ABHD2: variants seen among roughly 807,000 people sequenced by gnomAD.
The protein encoded by ABHD2 is monoacylglycerol lipase ABHD2.
ABHD2 carries 20 observed loss-of-function variants against 48.1 expected under a neutral mutation model. The ratio of observed to expected loss-of-function variants is 0.42; its 90% CI spans 0.29 to 0.60. The LOEUF (loss-of-function observed/expected upper bound fraction) is 0.60. Ranked by LOEUF, ABHD2 falls within the 20% of genes least tolerant of loss-of-function variation. ABHD2 has a pLI of 0.24. For missense variants in ABHD2, 405 were observed against 550.9 expected, an observed-to-expected ratio of 0.74 and a Z score of 2.65; for synonymous variants, 209 against 214.2, an observed-to-expected ratio of 0.98 and a Z score of 0.21.
Position 89,106,249 on chromosome 15 carries a change from G to C in ABHD2, c.-106-7476G>C, listed in dbSNP as rs2049783507. 6.6e-6 allele frequency: 1 copy of C among 152,560 alleles called. No individual in the cohort carries two copies. The highest frequency in any genetic ancestry group is 2.4e-5 in the African/African-American group (1 of 41,470). 9.5% of individuals were successfully genotyped at this position (152,560 alleles called of 1,614,324 possible). On this transcript the variant is annotated intron_variant, in intron 1 of 10. Transcript: ENST00000352732. The surrounding 1 kb of genome is among the most constrained non-coding windows in gnomAD (Gnocchi z 4.2). ...GGAGGCAGAGGTTGCAGTGACCTGA[G>C]ATTGTGCCATTGCACTGCAGCTTGG...
chr15:89,096,306 G>C (rs1289400776), intron 1 of ABHD2, among the ~76,000 whole-genome samples: 4 of 152,220 alleles, frequency 2.6e-5, no homozygotes, highest in Non-Finnish European at 4.4e-5. Context: ...CTCTGTAATC[G>C]TAAAAGTGCC....
rs1433665512 is a variant in ABHD2, at chr15:89,174,011, C to T, written c.539-1801C>T. Among the ~76,000 whole-genome samples, 1 of 152,116 alleles carries T rather than the reference C, an allele frequency of 6.6e-6. No individual in the cohort carries two copies. Among genetic ancestry groups the T allele is most frequent in the African/African-American group, 2.4e-5 (1 of 41,402 alleles). ...TAGTCAAAAGTATAGGGGATACTGT[C>T]TGGGAAGAGGCATGAGGAGGCCTCC... On this transcript the variant is annotated intron_variant, in intron 5 of 10. Transcript: ENST00000352732. The surrounding 1 kb of genome is among the most constrained non-coding windows in gnomAD (Gnocchi z 4.1).
intron 3 of ABHD2, among the ~76,000 whole-genome samples, chr15:89,124,711 T>A (rs951455394): frequency 6.6e-6 from 1 of 152,036 alleles, no homozygotes; most frequent in Admixed American, 6.6e-5. Context: ...GCCAGCACTT[T>A]GGGAGGCTGA....
the ABHD2 span, among the ~76,000 whole-genome samples, chr15:89,067,690 C>T: frequency 4.7e-4 from 72 of 152,188 alleles, no homozygotes; most frequent in South Asian, 1.0e-3. Flanking sequence ...CAGCTTTTCT[C>T]GAACACCCCA....
chr15:89,056,908 C>CGT, the ABHD2 span, among the ~76,000 whole-genome samples: 188 of 87,444 alleles, frequency 2.1e-3, 3 homozygotes, highest in Middle Eastern at 7.7e-3. Flanking sequence ...TAAGTGATAC[C>CGT]TTTTTTTTTT....
At chr15:89,093,103 C>T (rs769236510) in intron 1 of ABHD2, among the ~76,000 whole-genome samples, 5 of 151,572 alleles carry the variant, frequency 3.3e-5, no homozygotes, top group Non-Finnish European at 7.4e-5. Context: ...GAAAGTTTGC[C>T]GTTTGCTCTC....
chr15:89,071,823 A>G, the ABHD2 span, among the ~76,000 whole-genome samples: 2 of 152,186 alleles, frequency 1.3e-5, no homozygotes, highest in East Asian at 1.9e-4. Context: ...GGGTCCCTCA[A>G]TACTGGACGA....
At chr15:89,043,253 G>C in the ABHD2 span, among the ~76,000 whole-genome samples, 1 of 152,244 alleles carries the variant, frequency 6.6e-6, no homozygotes, top group Non-Finnish European at 1.5e-5. Flanking sequence ...GGGCAAGTTT[G>C]CTTTCAGCAG....
chr15:89,135,143 C>CTTTTTTTTT (rs3049683), intron 3 of ABHD2, among the ~76,000 whole-genome samples: 1 of 112,178 alleles, frequency 8.9e-6, no homozygotes, highest in African/African-American at 3.2e-5. Context: ...ACAACTTTTT[C>CTTTTTTTTT]TTTTTTTTTT....
chr15:89,152,737 T>G (rs1274634093), intron 4 of ABHD2, among the ~76,000 whole-genome samples: 1 of 152,182 alleles, frequency 6.6e-6, no homozygotes, highest in Non-Finnish European at 1.5e-5. Context: ...CTAGGACACC[T>G]ATTTCTGAGA....
At chr15:89,145,283 AC>A (rs1163538135) in intron 3 of ABHD2, among the ~76,000 whole-genome samples, 3 of 152,134 alleles carry the variant, frequency 2.0e-5, no homozygotes, top group African/African-American at 7.2e-5. Flanking sequence ...AAACAAAAAA[AC>A]ACTTCAGCCC....
Position 89,195,361 on chromosome 15 carries a change from C to G in ABHD2, c.1216C>G (p.Gln406Glu), listed in dbSNP as rs974627541. Residue 406 changes from glutamine to glutamate, a missense_variant, in exon 11 of 11, where the codon CAA becomes GAA. Gln to Glu is a conservative substitution (Grantham distance 29). Transcript: ENST00000352732. The surrounding 1 kb of genome is among the most constrained non-coding windows in gnomAD (Gnocchi z 5.1). Reference protein sequence around the residue: ...LVVEYANAICQWERNKLQCSD... With the variant: ...LVVEYANAICEWERNKLQCSD... ...GGTGGAGTACGCCAACGCCATTTGC[C>G]AATGGGAGCGTAACAAGTTGCAGTG... 6.2e-7 allele frequency: 1 copy of G among 1,614,074 alleles called. No individual in the cohort carries two copies. The highest frequency in any genetic ancestry group is 1.3e-5 in the African/African-American group (1 of 74,936).
At chr15:89,129,167 A>T (rs1179415936) in intron 3 of ABHD2, among the ~76,000 whole-genome samples, 1 of 152,028 alleles carries the variant, frequency 6.6e-6, no homozygotes, top group Non-Finnish European at 1.5e-5. Context: ...TCAAGACCAG[A>T]TGTGTAGATT....
intron 3 of ABHD2, among the ~76,000 whole-genome samples, chr15:89,141,232 T>G (rs1205738052): frequency 6.6e-6 from 1 of 151,884 alleles, no homozygotes; most frequent in African/African-American, 2.4e-5. Context: ...TCCTCCCACT[T>G]GGCCTCCCAA....
At chr15:89,060,887 G>A in the ABHD2 span, among the ~76,000 whole-genome samples, 1 of 151,948 alleles carries the variant, frequency 6.6e-6, no homozygotes, top group Non-Finnish European at 1.5e-5. Context: ...TGGATCGAGA[G>A]TATTTTATAC....
chr15:89,180,698 G>A (rs2051095766), intron 6 of ABHD2, among the ~76,000 whole-genome samples: 1 of 152,162 alleles, frequency 6.6e-6, no homozygotes, highest in Non-Finnish European at 1.5e-5. Context: ...CCTGTCTTGG[G>A]CTTGGCCAGC....
chr15:89,106,653 T>A lies in ABHD2; in HGVS notation c.-106-7072T>A, dbSNP rs2049791121. ...CTGCAGAATGGTTTTTTTCCCCCTA[T>A]GATGGCTCTGACTAATTTAGTTAAA... is the stretch of plus-strand genomic sequence containing the variant. On this transcript the variant is annotated intron_variant, in intron 1 of 10. Transcript: ENST00000352732. This position sits in a 1 kb window ranked among gnomAD's most constrained non-coding sequence, Gnocchi z 4.2. Among the ~76,000 whole-genome samples the A allele has an allele frequency of 6.6e-6, 1 of 152,152 alleles. No individual in the cohort carries two copies. Among genetic ancestry groups the A allele is most frequent in the African/African-American group, 2.4e-5 (1 of 41,434 alleles).
chr15:89,133,267 T>TA (rs34195386), intron 3 of ABHD2, among the ~76,000 whole-genome samples: 49,833 of 152,106 alleles, frequency 0.33, 9,915 homozygotes, highest in Non-Finnish European at 0.46. Context: ...TCGTATTCCA[T>TA]AAAAAAATAG....
At chr15:89,070,279 T>C in the ABHD2 span, 1 of 152,250 alleles carries the variant, frequency 6.6e-6, no homozygotes, top group Non-Finnish European at 1.5e-5. Context: ...GCAAGTCACA[T>C]GGCTAAGCCT....
Sources: gnomAD v4.1 joint callset for allele counts (sites outside exome capture counted in the v4.1 genomes callset) on GRCh38, gnomAD v4.1.1 for gene constraint, Gnocchi (gnomAD v3.1) non-coding constraint, MANE v1.5 for transcripts, NCBI Gene and HGNC (gene_info 2026-07-23, HGNC 2026-07-21) for gene names.